GRIA1: variants seen among roughly 807,000 people sequenced by gnomAD.
GRIA1 encodes glutamate receptor 1.
A neutral mutation model predicts 99.2 loss-of-function variants in GRIA1; 31 were observed. That is an observed-to-expected ratio of 0.31 (90% CI 0.23 to 0.42). GRIA1 has a LOEUF of 0.42. GRIA1 is among the 10% of genes least tolerant of loss of function. GRIA1 has a pLI of 1.00. For missense variants in GRIA1, 782 were observed against 1,157.5 expected (o/e 0.68, Z 4.71); for synonymous variants, 438 against 432.4 (o/e 1.01, Z -0.16).
intron 2 of GRIA1, among the ~76,000 whole-genome samples, chr5:153,546,187 G>A (rs996775759): frequency 1.4e-4 from 22 of 152,310 alleles, no homozygotes; most frequent in African/African-American, 5.1e-4. Context: ...GACTTACTAA[G>A]GTAGAGGCAG....
chr5:153,791,097 C>A (rs190277393), intron 13 of GRIA1, among the ~76,000 whole-genome samples: 1 of 151,596 alleles, frequency 6.6e-6, no homozygotes, highest in Non-Finnish European at 1.5e-5. Context: ...GAATCGCCCC[C>A]GGGCCACCAT....
intron 10 of GRIA1, among the ~76,000 whole-genome samples, chr5:153,701,619 C>CAAGAAAAAAAAAAAAAAAAAAA (rs1758526250): frequency 2.5e-5 from 1 of 39,426 alleles, no homozygotes; most frequent in African/African-American, 9.2e-5. Flanking sequence ...AGACCCGTCT[C>CAAGAAAAAAAAAAAAAAAAAAA]AAAAAAAAAA....
chr5:153,686,088 A>G (rs1757320910), intron 7 of GRIA1, 137 bp from the exon 8 acceptor site: 1 of 680,830 alleles, frequency 1.5e-6, no homozygotes, highest in Non-Finnish European at 2.6e-6. Context: ...GGGAGTGAAG[A>G]GTTTTAGCAT....
chr5:153,600,391 C>CAAA (rs57395601), intron 2 of GRIA1, among the ~76,000 whole-genome samples: 1,886 of 51,412 alleles, frequency 0.037, 312 homozygotes, highest in African/African-American at 0.043. Context: ...GACTCCATCT[C>CAAA]AAAAAAAAAA....
intron 11 of GRIA1, among the ~76,000 whole-genome samples, chr5:153,727,252 A>G (rs1463431963): frequency 2.0e-5 from 3 of 152,208 alleles, no homozygotes; most frequent in Non-Finnish European, 4.4e-5. Flanking sequence ...AATAAGAGCT[A>G]TCTATGACAA....
At chr5:153,587,790 C>G (rs1763621467) in intron 2 of GRIA1, among the ~76,000 whole-genome samples, 1 of 152,160 alleles carries the variant, frequency 6.6e-6, no homozygotes, top group Admixed American at 6.5e-5. Flanking sequence ...AGACATGACT[C>G]CTACACTCAC....
chr5:153,591,046 C>G (rs1459970490), intron 2 of GRIA1, among the ~76,000 whole-genome samples: 1 of 152,128 alleles, frequency 6.6e-6, no homozygotes, highest in Admixed American at 6.5e-5. Context: ...TGACCCAGTC[C>G]TAGTTATTCA....
At chr5:153,808,456 A>G (rs966035409) in intron 15 of GRIA1, among the ~76,000 whole-genome samples, 1 of 152,182 alleles carries the variant, frequency 6.6e-6, no homozygotes, top group African/African-American at 2.4e-5. Context: ...TAGGTCACAT[A>G]TAACTGTTAC....
chr5:153,714,370 C>G (rs1330103142), intron 11 of GRIA1, among the ~76,000 whole-genome samples: 1 of 152,136 alleles, frequency 6.6e-6, no homozygotes, highest in Non-Finnish European at 1.5e-5. Flanking sequence ...GGGAATTTTT[C>G]TCCTTTTCCC....
At chr5:153,667,803 T>C (rs1755855097) in intron 5 of GRIA1, among the ~76,000 whole-genome samples, 1 of 152,212 alleles carries the variant, frequency 6.6e-6, no homozygotes, top group Admixed American at 6.5e-5. Flanking sequence ...ATTCTCCAAA[T>C]CTTCACAGCA....
At chr5:153,690,086 G>A (rs1414057316) in intron 8 of GRIA1, among the ~76,000 whole-genome samples, 2 of 152,134 alleles carry the variant, frequency 1.3e-5, no homozygotes, top group African/African-American at 4.8e-5. Context: ...CAGATTCCTG[G>A]GTCCCAGCCC....
intron 2 of GRIA1, among the ~76,000 whole-genome samples, chr5:153,518,107 TC>T (rs1377721226): frequency 6.6e-6 from 1 of 152,184 alleles, no homozygotes; most frequent in African/African-American, 2.4e-5. Context: ...AGGTCCCAAT[TC>T]CCACGTTACT....
chr5:153,616,232 C>G (rs1363414449), intron 2 of GRIA1, among the ~76,000 whole-genome samples: 4 of 152,178 alleles, frequency 2.6e-5, no homozygotes, highest in African/African-American at 9.7e-5. Context: ...TCACTTCTTC[C>G]TGGAAGGCTT....
At chr5:153,594,691 C>T (rs1261784095) in intron 2 of GRIA1, among the ~76,000 whole-genome samples, 8 of 152,106 alleles carry the variant, frequency 5.3e-5, no homozygotes, top group Admixed American at 2.0e-4. Flanking sequence ...CCAATGGGCT[C>T]TTCTGCATGC....
At chr5:153,649,053 T>C (rs1487662508) in intron 3 of GRIA1, among the ~76,000 whole-genome samples, 2 of 152,072 alleles carry the variant, frequency 1.3e-5, no homozygotes, top group East Asian at 3.9e-4. Context: ...GTCAGAGTGG[T>C]GCAATGTGAG....
chr5:153,540,326 A>G (rs1337221935), intron 2 of GRIA1, among the ~76,000 whole-genome samples: 1 of 152,236 alleles, frequency 6.6e-6, no homozygotes, highest in Admixed American at 6.5e-5. Context: ...AAACTACAGC[A>G]GGGTCTGGCT....
At chr5:153,618,873 G>A (rs1766764955) in intron 2 of GRIA1, among the ~76,000 whole-genome samples, 1 of 152,178 alleles carries the variant, frequency 6.6e-6, no homozygotes, top group Non-Finnish European at 1.5e-5. Context: ...AAAAGCAGAA[G>A]CATGTATAGA....
At chr5:153,809,663 T>C (rs1766677877) in intron 15 of GRIA1, among the ~76,000 whole-genome samples, 1 of 152,246 alleles carries the variant, frequency 6.6e-6, no homozygotes, top group African/African-American at 2.4e-5. Flanking sequence ...AGCATCATTA[T>C]GCATCTAATT....
chr5:153,792,105 T>G (rs1014026323), intron 13 of GRIA1, among the ~76,000 whole-genome samples: 2 of 152,158 alleles, frequency 1.3e-5, no homozygotes, highest in African/African-American at 4.8e-5. Flanking sequence ...GCATAAGAGA[T>G]AAAGTCAAGT....
Sources: allele counts gnomAD v4.1 joint callset (sites outside exome capture counted in the v4.1 genomes callset), GRCh38; gene constraint gnomAD v4.1.1; transcripts MANE v1.5; gene names NCBI Gene and HGNC (gene_info 2026-07-23, HGNC 2026-07-21).